Variants in PAPOLG observed in about 807,000 individuals in gnomAD.
PAPOLG encodes poly(A) polymerase gamma.
In PAPOLG, 40 loss-of-function variants were observed where a neutral mutation model predicts 99.0. That is an observed-to-expected ratio of 0.40 (90% CI 0.31 to 0.53). The LOEUF is 0.53. PAPOLG is among the 20% of genes least tolerant of loss of function. The pLI is 0.41. For missense variants in PAPOLG, 675 were observed against 884.1 expected (o/e 0.76, Z 3.00); for synonymous variants, 310 against 299.3 (o/e 1.04, Z -0.37).
intron 2 of PAPOLG, among the ~76,000 whole-genome samples, chr2:60,761,380 C>G (rs989917886): frequency 6.6e-5 from 10 of 152,198 alleles, no homozygotes; most frequent in African/African-American, 2.4e-4. Flanking sequence ...TGAGAGAATT[C>G]TAGCTTCTAT....
At chr2:60,768,433 T>G (rs984267959) in intron 3 of PAPOLG, 37 bp from the exon 4 acceptor site, 1 of 1,604,620 alleles carries the variant, frequency 6.2e-7, no homozygotes, top group Non-Finnish European at 8.5e-7. Flanking sequence ...CTAAATAATT[T>G]GAATAATTGA....
rs761080081 is a variant in PAPOLG at position 60,779,734 on chromosome 2, A to G, written c.792A>G (p.Ala264=). 4 of 1,614,022 alleles carry G rather than the reference A, an allele frequency of 2.5e-6. No individual in the cohort carries two copies. The highest frequency in any genetic ancestry group is 1.3e-5 in the African/African-American group (1 of 74,950). ...GCCAATTGTATCCAAATGCAGCAGC[A>G]TCTACTTTAGTTCATAAGTTCTTTT... ...RTCQLYPNAA[A]STLVHKFFLV... is the part of the protein sequence containing the mutation. Residue 264 remains alanine (A), a synonymous_variant, in exon 9 of 22, where the codon GCA becomes GCG. Coordinates refer to ENST00000238714, the MANE Select transcript of PAPOLG (RefSeq NM_022894.4).
chr2:60,787,088 A>C (rs1671386100), intron 14 of PAPOLG, 22 bp downstream of exon 14: 1 of 1,536,134 alleles, frequency 6.5e-7, no homozygotes, highest in Non-Finnish European at 8.8e-7. Flanking sequence ...GTTTTATAAT[A>C]CTTTATTTCT....
chr2:60,771,036 G>A (rs1278032496), intron 6 of PAPOLG, among the ~76,000 whole-genome samples: 1 of 152,056 alleles, frequency 6.6e-6, no homozygotes, highest in Non-Finnish European at 1.5e-5. Flanking sequence ...ATTTTTATCT[G>A]CTTTCTTAGG....
At chr2:60,794,447 G>T (rs1367519128) in intron 19 of PAPOLG, 2 of 571,408 alleles carry the variant, frequency 3.5e-6, no homozygotes, top group Non-Finnish European at 6.0e-6. Context: ...TTTCTTGTGT[G>T]TTGATATGCC....
At position 60,780,657 on chromosome 2, in the gene PAPOLG, A is replaced by C. The variant is rs765526556; in HGVS notation, c.834-50A>C. On this transcript the variant is annotated intron_variant, in intron 9 of 21. Transcript: ENST00000238714. ...ATCTAATAATTATAAAGTTTCATGT[A>C]GTACCTGAAGTGAGATCATGTGTAA... 2.6e-6 allele frequency: 4 copies of C among 1,542,354 alleles called. No homozygotes were observed. In the Admixed American group the frequency reaches 5.1e-5, roughly 19 times the overall value.
At chr2:60,783,734 G>A (rs529896646) in intron 13 of PAPOLG, among the ~76,000 whole-genome samples, 29 of 151,874 alleles carry the variant, frequency 1.9e-4, no homozygotes, top group African/African-American at 5.3e-4. Flanking sequence ...GGCTGGTCTC[G>A]AACTCCTGAC....
intron 8 of PAPOLG, 27 bp downstream of exon 8, chr2:60,775,150 G>A (rs1305351769): frequency 2.1e-5 from 34 of 1,583,204 alleles, no homozygotes; most frequent in Non-Finnish European, 2.9e-5. Context: ...TTTTATGTTT[G>A]CATTATAAAA....
chr2:60,781,826 T>G, intron 10 of PAPOLG, 59 bp from the exon 11 acceptor site: 1 of 1,603,096 alleles, frequency 6.2e-7, no homozygotes, highest in East Asian at 2.2e-5. Context: ...TTTGGGGAAA[T>G]GAAGTGAGAA....
chr2:60,763,371 T>G (rs1010448365), intron 3 of PAPOLG, among the ~76,000 whole-genome samples: 1 of 151,148 alleles, frequency 6.6e-6, no homozygotes, highest in Admixed American at 6.6e-5. Flanking sequence ...CATGAGCCAC[T>G]GCGCCTTGCC....
At chr2:60,783,349 C>G (rs1342169527) in intron 13 of PAPOLG, 140 bp downstream of exon 13, 36 of 338,574 alleles carry the variant, frequency 1.1e-4, no homozygotes, top group Non-Finnish European at 1.6e-4. Flanking sequence ...TTTTTTGAGA[C>G]AAAGTCTCTG....
chr2:60,762,432 G>A (rs1206548977), intron 3 of PAPOLG, among the ~76,000 whole-genome samples: 1 of 151,868 alleles, frequency 6.6e-6, no homozygotes. Context: ...GATTGGTTCT[G>A]GGACCTCCAA....
intron 3 of PAPOLG, among the ~76,000 whole-genome samples, chr2:60,763,572 C>T (rs939106493): frequency 1.3e-5 from 2 of 150,788 alleles, no homozygotes; most frequent in Non-Finnish European, 3.0e-5. Context: ...GGCGAGATCT[C>T]AGCTCACAGC....
chr2:60,801,251 T>G lies in PAPOLG; in HGVS notation c.*4091T>G, dbSNP rs1289611522. The G allele has an allele frequency of 6.6e-6, 1 of 151,664 alleles. No individual in the cohort carries two copies. Among genetic ancestry groups the G allele is most frequent in the Non-Finnish European group, 1.5e-5 (1 of 67,912 alleles). The allele number at this position is 151,664 out of a possible 1,614,324, so 9.4% of individuals were successfully genotyped here. On this transcript the variant is annotated 3_prime_UTR_variant, in exon 22 of 22. Coordinates refer to ENST00000238714, the MANE Select transcript of PAPOLG (RefSeq NM_022894.4). The stretch of plus-strand genomic sequence containing the variant: ...ACCAATAAATATAAAAGTGATAGTT[T>G]AGGGAAAAAAAAAAACTTTGTATAA...
chr2:60,792,622 C>T (rs1378597984), intron 17 of PAPOLG, among the ~76,000 whole-genome samples: 2 of 152,126 alleles, frequency 1.3e-5, no homozygotes, highest in African/African-American at 4.8e-5. Flanking sequence ...TGGCCAGGCA[C>T]GGTGGCTCAG....
rs1320646616 is a variant in PAPOLG at position 60,775,016 on chromosome 2, A to G, written c.605-18A>G. 7 of 1,611,844 alleles carry G rather than the reference A, an allele frequency of 4.3e-6. No individual in the cohort carries two copies. Among genetic ancestry groups the G allele is most frequent in the Admixed American group, 3.4e-5 (2 of 59,658 alleles). ...GAATTTGCTGCATAGTGAAAAATGA[A>G]TGCTTTGTCTTTTTCAGGTTGTAGA... On this transcript the variant is annotated intron_variant, in intron 7 of 21. Coordinates refer to ENST00000238714, the MANE Select transcript of PAPOLG (RefSeq NM_022894.4).
At position 60,768,784 on chromosome 2, in the gene PAPOLG, C is replaced by G; in HGVS notation, c.332C>G (p.Ala111Gly). ...TAAGAACTACTTTAATTTACAGGAG[C>G]TGACATTGATGCACTTTGTGTAGCT... The part of the protein sequence containing the change: ...SYRLGVHTKG[A>G]DIDALCVAPR... Residue 111 changes from alanine (A) to glycine (G), a missense_variant, in exon 5 of 22, where the codon GCT becomes GGT. Physicochemically the swap from Ala to Gly is moderately conservative, Grantham distance 60. Around this residue, in one of 3 missense-constraint regions of PAPOLG, gnomAD observed 149 missense variants for 192.1 expected, o/e 0.78. Coordinates refer to ENST00000238714, the MANE Select transcript of PAPOLG (RefSeq NM_022894.4). 1 of 1,556,212 alleles carries G rather than the reference C, an allele frequency of 6.4e-7. No individual in the cohort carries two copies.
chr2:60,769,700 G>C (rs1056553897), intron 5 of PAPOLG, among the ~76,000 whole-genome samples: 2 of 151,962 alleles, frequency 1.3e-5, no homozygotes, highest in African/African-American at 4.8e-5. Context: ...TCAGTTTTCA[G>C]TTTAGACTCG....
At chr2:60,796,955 G>T in intron 21 of PAPOLG, 107 bp from the exon 22 acceptor site, 2 of 1,413,262 alleles carry the variant, frequency 1.4e-6, no homozygotes, top group Non-Finnish European at 9.7e-7. Context: ...AGGAGCTAGA[G>T]GGTTTGGGAG....
Sources: gnomAD v4.1 joint callset for allele counts (sites outside exome capture counted in the v4.1 genomes callset) on GRCh38, gnomAD v4.1.1 for gene constraint, gnomAD v4.1.1 regional missense constraint, MANE v1.5 for transcripts, NCBI Gene and HGNC (gene_info 2026-07-23, HGNC 2026-07-21) for gene names.